The following WNK1 variants were observed in gnomAD, a reference collection of about 807,000 sequenced individuals.
WNK1 encodes WNK lysine deficient protein kinase 1.
Under a neutral mutation model 222.8 loss-of-function variants are expected in WNK1, and 38 were observed. That is an observed-to-expected ratio of 0.17 (90% confidence interval 0.13 to 0.22). WNK1 has a LOEUF of 0.22. Ranked by LOEUF, WNK1 falls within the 10% of genes least tolerant of loss-of-function variation. WNK1 has a pLI of 1.00. For missense variants in WNK1, 2,348 were observed against 2,918.4 expected (o/e 0.80, Z 4.50); for synonymous variants, 1,090 against 1,092.9 (o/e 1.00, Z 0.05).
chr12:909,076 C>A lies in WNK1; in HGVS notation c.*284C>A. On this transcript the variant is annotated 3_prime_UTR_variant, in exon 28 of 28. Coordinates refer to ENST00000315939, the MANE Select transcript of WNK1 (RefSeq NM_018979.4). ...CTATACTCAGTAATGAGGATGAGGG[C>A]TAGGAAAGTCTTGTTCATAAGGAAG... The A allele has an allele frequency of 2.4e-6, 1 of 420,026 alleles. No homozygotes were observed. Among genetic ancestry groups the A allele is most frequent in the Non-Finnish European group, 4.4e-6 (1 of 227,272 alleles). The allele number at this position is 420,026 out of a possible 1,614,324, so 26.0% of individuals were successfully genotyped here.
intron 9 of WNK1, among the ~76,000 whole-genome samples, chr12:873,796 A>G (rs1952370986): frequency 6.6e-6 from 1 of 152,210 alleles, no homozygotes; most frequent in South Asian, 2.1e-4. Flanking sequence ...TCAGGTCCCA[A>G]TCCCACCTTA....
intron 14 of WNK1, among the ~76,000 whole-genome samples, chr12:882,522 C>T (rs965846789): frequency 6.6e-6 from 1 of 152,122 alleles, no homozygotes; most frequent in Non-Finnish European, 1.5e-5. Flanking sequence ...ATTTCATGCC[C>T]ACAGTCTCTT....
intron 2 of WNK1, among the ~76,000 whole-genome samples, chr12:823,955 G>A (rs865954890): frequency 6.8e-6 from 1 of 146,252 alleles, no homozygotes; most frequent in Non-Finnish European, 1.5e-5. Flanking sequence ...TGCCCAGGGC[G>A]GAGTGCAGTG....
In WNK1 at chr12:753,892, G is replaced by A. The variant is rs755570350; in HGVS notation, c.327G>A (p.Ala109=). ...CCCTGCCCCAGCCCAGCATCCCCGCGGCTGTCCCGCAGAGTGCTCCACCGG... is the reference window on the plus strand; with the variant it reads ...CCCTGCCCCAGCCCAGCATCCCCGCAGCTGTCCCGCAGAGTGCTCCACCGG... ...PLSLPQPSIP[A]AVPQSAPPEP... The change falls in exon 1 of 28, where the codon GCG becomes GCA. Residue 109 remains alanine (A), a synonymous_variant. Coordinates refer to ENST00000315939, the MANE Select transcript of WNK1 (RefSeq NM_018979.4). This position sits in a 1 kb window ranked among gnomAD's most constrained non-coding sequence, Gnocchi z 5.2. 8 of 1,611,518 alleles carry A rather than the reference G, an allele frequency of 5.0e-6. No individual in the cohort carries two copies. In the African/African-American group the frequency reaches 5.3e-5, roughly 11 times the overall value.
intron 2 of WNK1, among the ~76,000 whole-genome samples, chr12:817,901 G>A (rs529434305): frequency 6.6e-6 from 1 of 152,178 alleles, no homozygotes; most frequent in African/African-American, 2.4e-5. Flanking sequence ...GCAGTGAGCC[G>A]AGATTGTGCC....
chr12:822,039 A>G (rs759144265), intron 2 of WNK1, among the ~76,000 whole-genome samples: 2 of 151,328 alleles, frequency 1.3e-5, no homozygotes, highest in South Asian at 2.1e-4. Flanking sequence ...TAATTAGTCA[A>G]AATGAATGAT....
At chr12:880,299 T>C (rs1953028054) in intron 11 of WNK1, among the ~76,000 whole-genome samples, 1 of 152,232 alleles carries the variant, frequency 6.6e-6, no homozygotes, top group South Asian at 2.1e-4. Flanking sequence ...ATAGTACACC[T>C]GGCAACTTTT....
chr12:859,234 C>T lies in WNK1; in HGVS notation c.1401-11C>T. The T allele has an allele frequency of 6.2e-7, 1 of 1,601,510 alleles. No homozygotes were observed. Among genetic ancestry groups the T allele is most frequent in the South Asian group, 1.1e-5 (1 of 90,658 alleles). ...TATTTTTGTTCCTTTTCTTTTCCCT[C>T]TGTTTGGAAGATATTCCATCAAAGA... On this transcript the variant is annotated splice_polypyrimidine_tract_variant and intron_variant, in intron 5 of 27. Transcript: ENST00000315939.
At chr12:795,296 G>GTTTTTTTTTTTTT (rs35447912) in intron 1 of WNK1, among the ~76,000 whole-genome samples, 5 of 133,020 alleles carry the variant, frequency 3.8e-5, no homozygotes, top group Non-Finnish European at 3.2e-5. Context: ...ATTTTCCGTT[G>GTTTTTTTTTTTTT]TTTTTTTTTT....
At chr12:878,666 G>C (rs1038035284) in intron 10 of WNK1, among the ~76,000 whole-genome samples, 2 of 151,988 alleles carry the variant, frequency 1.3e-5, no homozygotes, top group African/African-American at 2.4e-5. Flanking sequence ...TTAAATAAAG[G>C]TGCTCTGGTA....
rs532328723 is a variant in WNK1, at chr12:896,815, G to A, written c.6245+83G>A. Reference sequence around the variant, plus strand: ...AGGGCCAAGATTAATAATATTTTTCGCCACAATATGCTAATGTCTCATTTC... The same window carrying A: ...AGGGCCAAGATTAATAATATTTTTCACCACAATATGCTAATGTCTCATTTC... On this transcript the variant is annotated intron_variant, in intron 24 of 27. Transcript: ENST00000315939. 69 of 1,460,288 alleles carry A rather than the reference G, an allele frequency of 4.7e-5. No individual in the cohort carries two copies. The African/African-American group carries it at 6.6e-4, about 14-fold the overall frequency. The allele number at this position is 1,460,288 out of a possible 1,614,324, so 90.5% of individuals were successfully genotyped here.
chr12:862,241 C>T lies in WNK1; in HGVS notation c.2110C>T (p.Pro704Ser). The T allele has an allele frequency of 6.2e-7, 1 of 1,614,102 alleles. No homozygotes were observed. The highest frequency in any genetic ancestry group is 2.2e-5 in the East Asian group (1 of 44,882). ...IPSTVQAQSQ[P>S]HGVYPPSSVA... ...TTCTACTGTCCAAGCACAGTCTCAG[C>T]CCCATGGGGTATATCCACCCTCAAG... Residue 704 changes from proline to serine, a missense_variant, in exon 8 of 28, where the codon CCC (proline) becomes TCC (serine). Physicochemically the swap from Pro to Ser is moderately conservative, Grantham distance 74 (BLOSUM62 -1). Transcript: ENST00000315939.
chr12:760,122 A>G (rs1303769559), intron 1 of WNK1, among the ~76,000 whole-genome samples: 2 of 148,028 alleles, frequency 1.4e-5, no homozygotes, highest in Non-Finnish European at 3.0e-5. Context: ...TAACATTTTA[A>G]TTTTGTGACC....
intron 4 of WNK1, among the ~76,000 whole-genome samples, chr12:841,246 TAGC>T (rs1316979958): frequency 1.3e-5 from 2 of 152,174 alleles, no homozygotes. Context: ...CCATACCAGT[TAGC>T]AGTCATTTCC....
intron 8 of WNK1, among the ~76,000 whole-genome samples, 186 bp from the exon 9 acceptor site, chr12:871,079 G>A (rs1200619802): frequency 6.6e-6 from 1 of 152,170 alleles, no homozygotes; most frequent in Admixed American, 6.5e-5. Flanking sequence ...ATGTTGTGTG[G>A]TATGATCCTT....
intron 1 of WNK1, among the ~76,000 whole-genome samples, chr12:812,535 G>A (rs1378931214): frequency 6.6e-6 from 1 of 152,198 alleles, no homozygotes; most frequent in African/African-American, 2.4e-5. Flanking sequence ...CATGTACATA[G>A]TATCCATTGG....
chr12:816,586 C>T (rs973231036), intron 2 of WNK1, among the ~76,000 whole-genome samples: 7 of 152,122 alleles, frequency 4.6e-5, no homozygotes, highest in Admixed American at 3.3e-4. Flanking sequence ...CGGTGCCCAG[C>T]CTGTTTGGTA....
chr12:909,101 G>T lies in WNK1; in HGVS notation c.*309G>T. 2.7e-6 allele frequency: 1 copy of T among 366,070 alleles called. No individual in the cohort carries two copies. Among genetic ancestry groups the T allele is most frequent in the East Asian group, 5.9e-5 (1 of 16,902 alleles). 22.7% of individuals were successfully genotyped at this position (366,070 alleles called of 1,614,324 possible). A position where few individuals can be genotyped will look rare whatever the true frequency, so the allele number is the denominator to read the frequency against. On this transcript the variant is annotated 3_prime_UTR_variant, in exon 28 of 28. Coordinates refer to ENST00000315939, the MANE Select transcript of WNK1 (RefSeq NM_018979.4). ...CTAGGAAAGTCTTGTTCATAAGGAA[G>T]CTGGAGAACTCAATGTAAAATCAAA...
In WNK1 at chr12:869,088, C is replaced by G. The variant is rs771730773; in HGVS notation, c.2140-2177C>G. On this transcript the variant is annotated intron_variant, in intron 8 of 27. Coordinates refer to ENST00000315939, the MANE Select transcript of WNK1 (RefSeq NM_018979.4). ...ACTGCCTCATTTTCTTCAGGAGGAT[C>G]TGCACTTCATCCACAGGTTATAGGA... 1.9e-5 allele frequency: 30 copies of G among 1,613,912 alleles called. No individual in the cohort carries two copies. The highest frequency in any genetic ancestry group is 2.5e-5 in the Non-Finnish European group (29 of 1,179,894).
Sources: allele counts gnomAD v4.1 joint callset (sites outside exome capture counted in the v4.1 genomes callset), GRCh38; gene constraint gnomAD v4.1.1; non-coding constraint Gnocchi (gnomAD v3.1); transcripts MANE v1.5; gene names NCBI Gene and HGNC (gene_info 2026-07-23, HGNC 2026-07-21).